GABRB2: variants seen among roughly 807,000 people sequenced by gnomAD.
The protein encoded by GABRB2 is gamma-aminobutyric acid type A receptor subunit beta2.
In GABRB2, 16 loss-of-function variants were observed where a neutral mutation model predicts 54.7. The ratio of observed to expected loss-of-function variants is 0.29; its 90% CI spans 0.20 to 0.44. The LOEUF (loss-of-function observed/expected upper bound fraction) is 0.44. Ranked by LOEUF, GABRB2 falls within the 20% of genes least tolerant of loss-of-function variation. GABRB2 has a pLI of 1.00. For missense variants in GABRB2, 355 were observed against 644.0 expected (o/e 0.55, Z 4.86); for synonymous variants, 244 against 233.8 (o/e 1.04, Z -0.40).
At chr5:161,535,817 G>A (rs1419438859) in intron 3 of GABRB2, among the ~76,000 whole-genome samples, 1 of 152,164 alleles carries the variant, frequency 6.6e-6, no homozygotes, top group African/African-American at 2.4e-5. Context: ...TCTGTTGGGA[G>A]TTTGGGCCTA....
At chr5:161,375,935 G>A (rs932398030) in intron 5 of GABRB2, among the ~76,000 whole-genome samples, 1 of 151,958 alleles carries the variant, frequency 6.6e-6, no homozygotes, top group Non-Finnish European at 1.5e-5. Flanking sequence ...ATTGCTTTAG[G>A]TTCTGTCATT....
intron 9 of GABRB2, among the ~76,000 whole-genome samples, chr5:161,310,149 C>G (rs1580968135): frequency 6.6e-6 from 1 of 152,158 alleles, no homozygotes; most frequent in South Asian, 2.1e-4. Flanking sequence ...ACAACACACA[C>G]TAGGGCCTTC....
intron 4 of GABRB2, among the ~76,000 whole-genome samples, chr5:161,436,812 G>A (rs1412072131): frequency 6.6e-6 from 1 of 152,152 alleles, no homozygotes; most frequent in East Asian, 1.9e-4. Flanking sequence ...AGTGCTGAGA[G>A]CATCTCTGGT....
Position 161,412,263 on chromosome 5 carries a change from G to C in GABRB2, c.459-1206C>G, listed in dbSNP as rs73800504. Among the ~76,000 whole-genome samples, 667 of 152,302 alleles carry C rather than the reference G, an allele frequency of 4.4e-3. 8 individuals carry two copies. The highest frequency in any genetic ancestry group is 0.014 in the African/African-American group (592 of 41,566). On this transcript the variant is annotated intron_variant, in intron 4 of 9. Transcript: ENST00000393959. Reference sequence around the variant, plus strand: ...GAAACATGTGATTAACTTGAAGTAAGTCATTCTTGGCTCTTTTGTTTGATT... The same window carrying C: ...GAAACATGTGATTAACTTGAAGTAACTCATTCTTGGCTCTTTTGTTTGATT...
At chr5:161,298,805 C>G (rs1757455285) in intron 9 of GABRB2, among the ~76,000 whole-genome samples, 1 of 152,192 alleles carries the variant, frequency 6.6e-6, no homozygotes, top group South Asian at 2.1e-4. Context: ...CATAACTAAC[C>G]ATTTTACATA....
At chr5:161,311,649 C>T (rs2113365530) in intron 9 of GABRB2, among the ~76,000 whole-genome samples, 1 of 152,342 alleles carries the variant, frequency 6.6e-6, no homozygotes, top group South Asian at 2.1e-4. Context: ...TGAGTTGGTA[C>T]TTCAGGTATA....
intron 3 of GABRB2, among the ~76,000 whole-genome samples, chr5:161,477,829 G>A (rs187944741): frequency 5.9e-5 from 9 of 151,978 alleles, no homozygotes; most frequent in East Asian, 1.9e-4. Flanking sequence ...GAGGGTTGTC[G>A]TTTACAGGGT....
intron 4 of GABRB2, among the ~76,000 whole-genome samples, chr5:161,430,438 G>A (rs867877447): frequency 1.3e-5 from 2 of 152,170 alleles, no homozygotes; most frequent in Non-Finnish European, 2.9e-5. Flanking sequence ...CTTCAGTAGA[G>A]AGGAAAGAAC....
chr5:161,395,761 T>G (rs1305746352), intron 5 of GABRB2, among the ~76,000 whole-genome samples: 1 of 152,094 alleles, frequency 6.6e-6, no homozygotes, highest in Admixed American at 6.6e-5. Flanking sequence ...CAAGAAAATT[T>G]TTTTCTGGTA....
intron 9 of GABRB2, among the ~76,000 whole-genome samples, chr5:161,317,408 G>A (rs1056536355): frequency 6.6e-6 from 1 of 152,110 alleles, no homozygotes; most frequent in Non-Finnish European, 1.5e-5. Context: ...GTAACCACTG[G>A]GGAAAAGGTT....
At position 161,288,613 on chromosome 5, in the gene GABRB2, C is replaced by T. The variant is rs1015124527; in HGVS notation, c.*5468G>A. The T allele has an allele frequency of 6.6e-6, 1 of 152,422 alleles. No homozygotes were observed. The highest frequency in any genetic ancestry group is 1.5e-5 in the Non-Finnish European group (1 of 68,000). The allele number at this position is 152,422 out of a possible 1,614,324, so 9.4% of individuals were successfully genotyped here. On this transcript the variant is annotated 3_prime_UTR_variant, in exon 10 of 10. Coordinates refer to ENST00000393959, the MANE Select transcript of GABRB2 (RefSeq NM_001371727.1). ...ATGTATCCCAGAGATTTTAATAGTC[C>T]TGTTTTTAGAAAGACATGAAAATAG...
chr5:161,490,906 T>C (rs1003471881), intron 3 of GABRB2, among the ~76,000 whole-genome samples: 2 of 151,706 alleles, frequency 1.3e-5, no homozygotes, highest in African/African-American at 4.8e-5. Flanking sequence ...AACCGTCAGG[T>C]TAATGCCAAT....
At chr5:161,542,127 G>A (rs541413966) in intron 3 of GABRB2, among the ~76,000 whole-genome samples, 1 of 152,270 alleles carries the variant, frequency 6.6e-6, no homozygotes, top group Admixed American at 6.5e-5. Context: ...TATCCATTAA[G>A]TTTGCTGTCT....
chr5:161,496,052 A>G (rs1759232418), intron 3 of GABRB2, among the ~76,000 whole-genome samples: 1 of 152,160 alleles, frequency 6.6e-6, no homozygotes, highest in South Asian at 2.1e-4. Flanking sequence ...TGACAAGAAC[A>G]TACCATCTCC....
intron 4 of GABRB2, among the ~76,000 whole-genome samples, chr5:161,438,415 C>A (rs971243552): frequency 2.6e-5 from 4 of 152,084 alleles, no homozygotes; most frequent in African/African-American, 7.2e-5. Context: ...GAAAGCCTCC[C>A]CAAGAGAGAC....
At chr5:161,456,071 G>A (rs1196759703) in intron 4 of GABRB2, among the ~76,000 whole-genome samples, 2 of 152,164 alleles carry the variant, frequency 1.3e-5, no homozygotes, top group Admixed American at 1.3e-4. Flanking sequence ...TGGGAAAGAA[G>A]TTTAAGCCCT....
chr5:161,490,541 T>G (rs758768001), intron 3 of GABRB2, among the ~76,000 whole-genome samples: 2 of 151,728 alleles, frequency 1.3e-5, no homozygotes. Context: ...AAGCATTTAG[T>G]GTACTGCCCA....
intron 5 of GABRB2, among the ~76,000 whole-genome samples, chr5:161,376,777 C>T (rs1755316763): frequency 6.6e-6 from 1 of 152,128 alleles, no homozygotes; most frequent in South Asian, 2.1e-4. Context: ...ATTTTAATTA[C>T]TGCTGTAATT....
intron 4 of GABRB2, among the ~76,000 whole-genome samples, chr5:161,416,420 T>G (rs1756667162): frequency 6.6e-6 from 1 of 152,032 alleles, no homozygotes; most frequent in Non-Finnish European, 1.5e-5. Context: ...GAATATATGT[T>G]CAAACATGTG....
Sources: gnomAD v4.1 joint callset for allele counts (sites outside exome capture counted in the v4.1 genomes callset) on GRCh38, gnomAD v4.1.1 for gene constraint, MANE v1.5 for transcripts, NCBI Gene and HGNC (gene_info 2026-07-23, HGNC 2026-07-21) for gene names.